The following SLC14A1 variants were observed in gnomAD, a reference collection of about 807,000 sequenced individuals.
SLC14A1 encodes solute carrier family 14 member 1 (Kidd blood group).
SLC14A1 carries 36 observed loss-of-function variants against 39.6 expected under a neutral mutation model. The ratio of observed to expected loss-of-function variants is 0.91; its 90% CI spans 0.70 to 1.20. The LOEUF (loss-of-function observed/expected upper bound fraction) is 1.20. SLC14A1 is among the 50% of genes most tolerant of loss of function. SLC14A1 has a pLI of 0.00. For missense variants in SLC14A1, 469 were observed against 478.7 expected (o/e 0.98, Z 0.19); for synonymous variants, 164 against 173.6 (o/e 0.94, Z 0.43).
chr18:45,747,884 T>C (rs955373614), intron 8 of SLC14A1, among the ~76,000 whole-genome samples: 1 of 152,204 alleles, frequency 6.6e-6, no homozygotes, highest in African/African-American at 2.4e-5. Flanking sequence ...GCAAGCACTA[T>C]GATTTTTTGT....
Position 45,752,497 on chromosome 18 carries a change from T to C in SLC14A1, c.*2546T>C, listed in dbSNP as rs1355605302. On this transcript the variant is annotated 3_prime_UTR_variant, in exon 10 of 10. Coordinates refer to ENST00000321925, the MANE Select transcript of SLC14A1 (RefSeq NM_015865.7). ...TATAACAAATTTCTATGCAAGTACA[T>C]GAATAAATTATGCTCACAGCTCAGT... 6.5e-6 allele frequency: 1 copy of C among 152,912 alleles called. No individual in the cohort carries two copies. Among genetic ancestry groups the C allele is most frequent in the African/African-American group, 2.4e-5 (1 of 41,480 alleles). 9.5% of individuals were successfully genotyped at this position (152,912 alleles called of 1,614,324 possible). A position where few individuals can be genotyped will look rare whatever the true frequency, so the allele number is the denominator to read the frequency against.
rs907959676 is a variant in SLC14A1, at chr18:45,751,994, T to C, written c.*2043T>C. 117 of 985,252 alleles carry C rather than the reference T, an allele frequency of 1.2e-4. No individual in the cohort carries two copies. Among genetic ancestry groups the C allele is most frequent in the Non-Finnish European group, 1.3e-4 (106 of 829,904 alleles). 61.0% of individuals were successfully genotyped at this position (985,252 alleles called of 1,614,324 possible). ...AGAAATAGGGAAGTAAACCTACAAA[T>C]ATTTTAGGGAGAAGCTCACTTCTTC... On this transcript the variant is annotated 3_prime_UTR_variant, in exon 10 of 10. Transcript: ENST00000321925.
intron 2 of SLC14A1, chr18:45,727,468 C>T: frequency 6.6e-7 from 1 of 1,511,082 alleles, no homozygotes; most frequent in East Asian, 2.5e-5. Flanking sequence ...GGAGCCTGCT[C>T]CAAACTCTGG....
At chr18:45,743,411 T>C (rs890511965) in intron 8 of SLC14A1, among the ~76,000 whole-genome samples, 3 of 152,214 alleles carry the variant, frequency 2.0e-5, no homozygotes, top group African/African-American at 7.2e-5. Context: ...TAGATTTTTT[T>C]TTTTTTTAAC....
Position 45,731,169 on chromosome 18 carries a change from C to A in SLC14A1, c.306C>A (p.Val102=). Residue 102 remains valine (V), a synonymous_variant, in exon 4 of 10, where the codon GTC becomes GTA. Coordinates refer to ENST00000321925, the MANE Select transcript of SLC14A1 (RefSeq NM_015865.7). ...WALTGWLGTV[V]STLMALLLSQ... is the part of the protein sequence containing the mutation. ...TCACTGGCTGGCTGGGAACAGTGGT[C>A]TCCACTCTGATGGCCCTCTTGCTCA... The A allele has an allele frequency of 6.2e-7, 1 of 1,613,996 alleles. No individual in the cohort carries two copies. The highest frequency in any genetic ancestry group is 8.5e-7 in the Non-Finnish European group (1 of 1,179,974).
chr18:45,741,961 A>G (rs142196346), intron 8 of SLC14A1, among the ~76,000 whole-genome samples: 1 of 152,246 alleles, frequency 6.6e-6, no homozygotes, highest in Non-Finnish European at 1.5e-5. Flanking sequence ...CATGATACAA[A>G]AGACAGTACC....
rs747606513 is a variant in SLC14A1 at position 45,730,410 on chromosome 18, C to T, written c.90C>T (p.Cys30=). The T allele has an allele frequency of 5.6e-6, 9 of 1,614,074 alleles. No homozygotes were observed. The highest frequency in any genetic ancestry group is 5.0e-5 in the Admixed American group (3 of 60,004). ...NQVSPCQGRR[C]FPKALGYVTG... ...TTTCGCCATGTCAAGGGAGAAGGTG[C>T]TTCCCCAAAGCTCTTGGCTATGTCA... The change falls in exon 3 of 10, where the codon TGC becomes TGT. Residue 30 remains cysteine (C), a synonymous_variant. Transcript: ENST00000321925.
Position 45,736,592 on chromosome 18 carries a change from G to A in SLC14A1, c.607G>A (p.Val203Ile). 1 of 1,614,132 alleles carries A rather than the reference G, an allele frequency of 6.2e-7. No individual in the cohort carries two copies. Among genetic ancestry groups the A allele is most frequent in the African/African-American group, 1.3e-5 (1 of 75,032 alleles). ...CAATCCATTCTTTCCAGCCAAACTG[G>A]TCATACCTATAACTACAGCTCCAAA... ...HYNPFFPAKL[V>I]IPITTAPNIS... Residue 203 changes from valine (V) to isoleucine (I), a missense_variant, in exon 6 of 10, where the codon GTC becomes ATC. Coordinates refer to ENST00000321925, the MANE Select transcript of SLC14A1 (RefSeq NM_015865.7).
At chr18:45,744,988 T>G (rs1376567382) in intron 8 of SLC14A1, among the ~76,000 whole-genome samples, 1 of 152,216 alleles carries the variant, frequency 6.6e-6, no homozygotes, top group African/African-American at 2.4e-5. Context: ...CTCACACCTG[T>G]AAACCCAGCA....
In SLC14A1 at chr18:45,751,532, C is replaced by A; in HGVS notation, c.*1581C>A. 2.0e-6 allele frequency: 2 copies of A among 983,270 alleles called. No individual in the cohort carries two copies. Among genetic ancestry groups the A allele is most frequent in the Non-Finnish European group, 2.4e-6 (2 of 828,166 alleles). The allele number at this position is 983,270 out of a possible 1,614,324, so 60.9% of individuals were successfully genotyped here. On this transcript the variant is annotated 3_prime_UTR_variant, in exon 10 of 10. Transcript: ENST00000321925. Reference sequence around the variant, plus strand: ...CTGGCTCACACCTGTAATCCCAGCACTTTGGGAGATGGAGGTAAAAGGATC... The same window carrying A: ...CTGGCTCACACCTGTAATCCCAGCAATTTGGGAGATGGAGGTAAAAGGATC...
At chr18:45,735,318 A>C (rs1236880054) in intron 5 of SLC14A1, among the ~76,000 whole-genome samples, 3 of 152,230 alleles carry the variant, frequency 2.0e-5, no homozygotes, top group Non-Finnish European at 4.4e-5. Flanking sequence ...TTTCTGATGC[A>C]GTCTATCTGG....
chr18:45,727,665 G>A (rs573864521), intron 2 of SLC14A1, among the ~76,000 whole-genome samples: 1 of 152,340 alleles, frequency 6.6e-6, no homozygotes, highest in South Asian at 2.1e-4. Flanking sequence ...CGTTTACCCT[G>A]TGTCTATTTT....
intron 8 of SLC14A1, among the ~76,000 whole-genome samples, chr18:45,741,555 C>T (rs1225192948): frequency 1.3e-5 from 2 of 151,754 alleles, no homozygotes; most frequent in African/African-American, 2.4e-5. Context: ...CATTTTGATT[C>T]GATGCTATAG....
intron 2 of SLC14A1, chr18:45,727,196 G>A: frequency 6.7e-7 from 1 of 1,484,114 alleles, no homozygotes; most frequent in Non-Finnish European, 9.2e-7. Flanking sequence ...CCTTTTGCGT[G>A]GTCATTAGAG....
chr18:45,733,856 A>G (rs2047102979), intron 4 of SLC14A1, among the ~76,000 whole-genome samples: 1 of 152,216 alleles, frequency 6.6e-6, no homozygotes, highest in Admixed American at 6.5e-5. Flanking sequence ...TCAGATCAGC[A>G]GAAGCATTAG....
Position 45,751,110 on chromosome 18 carries a change from C to A in SLC14A1, c.*1159C>A, listed in dbSNP as rs978892564. The A allele has an allele frequency of 7.2e-6, 6 of 832,978 alleles. No individual in the cohort carries two copies. Among genetic ancestry groups the A allele is most frequent in the African/African-American group, 3.7e-5 (2 of 54,172 alleles). 51.6% of individuals were successfully genotyped at this position (832,978 alleles called of 1,614,324 possible). ...ATCCCAGCACTTTGGGGAGCCCAGG[C>A]GGGCAGATTGCTTGAACCCAGGAGT... is the stretch of plus-strand genomic sequence containing the variant. On this transcript the variant is annotated 3_prime_UTR_variant, in exon 10 of 10. Coordinates refer to ENST00000321925, the MANE Select transcript of SLC14A1 (RefSeq NM_015865.7).
Position 45,737,854 on chromosome 18 carries a change from G to A in SLC14A1, c.663+1206G>A, listed in dbSNP as rs112205796. Among the ~76,000 whole-genome samples the A allele has an allele frequency of 8.5e-5, 13 of 152,216 alleles. 1 individual carries two copies. Among genetic ancestry groups the A allele is most frequent in the East Asian group, 1.9e-4 (1 of 5,168 alleles). ...CAGATACAGACTATTCCATCATCTCGGAAAGTTATCCTGCACAGTGCTGAT... is the reference window on the plus strand; with the variant it reads ...CAGATACAGACTATTCCATCATCTCAGAAAGTTATCCTGCACAGTGCTGAT... On this transcript the variant is annotated intron_variant, in intron 6 of 9. Transcript: ENST00000321925.
In SLC14A1 at chr18:45,733,043, C is replaced by T. The variant is rs190229826; in HGVS notation, c.342-1231C>T. Among the ~76,000 whole-genome samples the T allele has an allele frequency of 1.2e-3, 187 of 152,244 alleles. 2 individuals carry two copies. The highest frequency in any genetic ancestry group is 4.5e-3 in the African/African-American group (185 of 41,536). ...ACACGTTTTCACTTACAATTAGGAG[C>T]TAAACACTGGGTAAACACGGACATG... is the stretch of plus-strand genomic sequence containing the variant. On this transcript the variant is annotated intron_variant, in intron 4 of 9. Transcript: ENST00000321925.
At chr18:45,724,347 T>G (rs2046807160) in intron 1 of SLC14A1, 74 bp downstream of exon 1, 1 of 152,372 alleles carries the variant, frequency 6.6e-6, no homozygotes, top group Middle Eastern at 3.4e-3. Flanking sequence ...GTTCTAAGTT[T>G]TGCTCTTTTT....
Sources: allele counts gnomAD v4.1 joint callset (sites outside exome capture counted in the v4.1 genomes callset), GRCh38; gene constraint gnomAD v4.1.1; transcripts MANE v1.5; gene names NCBI Gene and HGNC (gene_info 2026-07-23, HGNC 2026-07-21).